Variants in RETREG1 observed in about 807,000 individuals in gnomAD.
RETREG1 encodes the protein reticulophagy regulator 1.
RETREG1 carries 44 observed loss-of-function variants against 54.8 expected under a neutral mutation model. The observed-to-expected ratio is 0.80, with a 90% CI of 0.63 to 1.03. The LOEUF (loss-of-function observed/expected upper bound fraction) is 1.03. RETREG1 is among the 50% of genes least tolerant of loss of function. The pLI, the probability that RETREG1 is intolerant of heterozygous loss-of-function variation, is 0.00. For synonymous variants in RETREG1, 217 were observed against 238.5 expected, an observed-to-expected ratio of 0.91 and a Z score of 0.83; for missense variants, 554 against 605.1, an observed-to-expected ratio of 0.92 and a Z score of 0.89.
intron 3 of RETREG1, among the ~76,000 whole-genome samples, chr5:16,522,242 T>A (rs1432874795): frequency 1.3e-5 from 2 of 152,210 alleles, no homozygotes; most frequent in East Asian, 3.9e-4. Flanking sequence ...CCTTGATTTA[T>A]GAGATCTCAG....
intron 3 of RETREG1, among the ~76,000 whole-genome samples, chr5:16,505,461 G>A (rs757622773): frequency 6.6e-6 from 1 of 152,186 alleles, no homozygotes; most frequent in Admixed American, 6.5e-5. Flanking sequence ...GTGACAGCAG[G>A]GGCCTGACAT....
chr5:16,483,510 TG>T, intron 3 of RETREG1, 38 bp from the exon 4 acceptor site: 1 of 1,607,924 alleles, frequency 6.2e-7, no homozygotes, highest in South Asian at 1.1e-5. Flanking sequence ...TACTGAACTT[TG>T]GATGATTCAT....
At chr5:16,553,502 A>T (rs1195331835) in intron 3 of RETREG1, among the ~76,000 whole-genome samples, 2 of 152,018 alleles carry the variant, frequency 1.3e-5, no homozygotes, top group African/African-American at 4.8e-5. Context: ...CTATACTTTG[A>T]ATATATAAAC....
At chr5:16,575,042 T>A (rs961215541) in intron 1 of RETREG1, among the ~76,000 whole-genome samples, 3 of 152,244 alleles carry the variant, frequency 2.0e-5, no homozygotes, top group African/African-American at 7.2e-5. Flanking sequence ...GATTCATTCT[T>A]GCTCTTGTTC....
At chr5:16,486,026 T>C (rs1739006401) in intron 3 of RETREG1, among the ~76,000 whole-genome samples, 1 of 152,172 alleles carries the variant, frequency 6.6e-6, no homozygotes, top group Non-Finnish European at 1.5e-5. Flanking sequence ...TTTTTCCCTT[T>C]TAAAAAGCTT....
intron 3 of RETREG1, among the ~76,000 whole-genome samples, chr5:16,486,386 T>C (rs992487435): frequency 6.6e-6 from 1 of 152,262 alleles, no homozygotes; most frequent in African/African-American, 2.4e-5. Flanking sequence ...TGCCCAGTGA[T>C]TAATTCTGAG....
At position 16,594,424 on chromosome 5, in the gene RETREG1, G is replaced by A. The variant is rs1720572864; in HGVS notation, c.320+22228C>T. Among the ~76,000 whole-genome samples the A allele has an allele frequency of 6.6e-6, 1 of 152,026 alleles. No homozygotes were observed. The highest frequency in any genetic ancestry group is 6.6e-5 in the Admixed American group (1 of 15,252). On this transcript the variant is annotated intron_variant, in intron 1 of 8. Transcript: ENST00000306320. The surrounding 1 kb of genome is among the most constrained non-coding windows in gnomAD (Gnocchi z 4.4). ...ACTTTTATAAGAAAAAAAGTTAAAC[G>A]CTTAACATAGCATTTTTCAGTTGGG...
Position 16,594,542 on chromosome 5 carries a change from T to C in RETREG1, c.320+22110A>G, listed in dbSNP as rs979557373. 6.6e-6 allele frequency among the ~76,000 whole-genome samples: 1 copy of C among 151,822 alleles called. No individual in the cohort carries two copies. ...GAGATCAAGACCAGCCTCACCAACA[T>C]GGCAAAACCCCATCTCTACTAAAAA... On this transcript the variant is annotated intron_variant, in intron 1 of 8. Transcript: ENST00000306320. The surrounding 1 kb of genome is among the most constrained non-coding windows in gnomAD (Gnocchi z 4.4).
intron 1 of RETREG1, among the ~76,000 whole-genome samples, chr5:16,587,017 A>G (rs1450848675): frequency 6.6e-6 from 1 of 152,196 alleles, no homozygotes; most frequent in Admixed American, 6.5e-5. Flanking sequence ...TCCGGACCTA[A>G]TCAGCTCCCA....
At chr5:16,572,602 G>A (rs1020130913) in intron 1 of RETREG1, among the ~76,000 whole-genome samples, 2 of 152,228 alleles carry the variant, frequency 1.3e-5, no homozygotes, top group African/African-American at 2.4e-5. Context: ...GTCTGAGCCT[G>A]CGCGCTTTTG....
In RETREG1 at chr5:16,481,012, G is replaced by A; in HGVS notation, c.667C>T (p.Leu223=). ...CCATATGTTCTACTATACTTACACAGTAGATAGCTGAGTATAACCCCAGGA... is the reference window on the plus strand; with the variant it reads ...CCATATGTTCTACTATACTTACACAATAGATAGCTGAGTATAACCCCAGGA... ...YIPGVILSYL[L]LLCAFLCPLF... is the part of the protein sequence containing the mutation. The change falls in exon 5 of 9, where the codon CTG becomes TTG. Residue 223 remains leucine, a synonymous_variant. Transcript: ENST00000306320. The A allele has an allele frequency of 6.2e-7, 1 of 1,605,608 alleles. No homozygotes were observed. The highest frequency in any genetic ancestry group is 1.1e-5 in the South Asian group (1 of 90,928).
intron 3 of RETREG1, among the ~76,000 whole-genome samples, chr5:16,546,311 G>A (rs1340092811): frequency 6.6e-6 from 1 of 152,148 alleles, no homozygotes; most frequent in African/African-American, 2.4e-5. Flanking sequence ...GGAACCACAG[G>A]CGGTGTACCA....
At chr5:16,572,162 TGG>T in intron 1 of RETREG1, 60 bp from the exon 2 acceptor site, 1 of 1,244,902 alleles carries the variant, frequency 8.0e-7, no homozygotes, top group Middle Eastern at 1.9e-4. Flanking sequence ...TTTTCAAAAT[TGG>T]GTTTACTTCC....
chr5:16,474,570 A>T lies in RETREG1; in HGVS notation c.*171T>A. ...TAACGATCAGAAATATCAATCTATC[A>T]GTGTCAGCTGATATATATCCAATTA... On this transcript the variant is annotated 3_prime_UTR_variant, in exon 9 of 9. Transcript: ENST00000306320. 1.4e-6 allele frequency: 1 copy of T among 715,176 alleles called. No homozygotes were observed. Among genetic ancestry groups the T allele is most frequent in the East Asian group, 2.7e-5 (1 of 36,850 alleles). 44.3% of individuals were successfully genotyped at this position (715,176 alleles called of 1,614,324 possible). A position where few individuals can be genotyped will look rare whatever the true frequency, so the allele number is the denominator to read the frequency against.
intron 1 of RETREG1, among the ~76,000 whole-genome samples, chr5:16,584,113 T>C (rs1314569071): frequency 6.6e-6 from 1 of 150,532 alleles, no homozygotes; most frequent in Non-Finnish European, 1.5e-5. Context: ...GGCATAATAA[T>C]GACAATGGGC....
At chr5:16,552,934 G>A (rs1414652881) in intron 3 of RETREG1, among the ~76,000 whole-genome samples, 1 of 152,178 alleles carries the variant, frequency 6.6e-6, no homozygotes, top group African/African-American at 2.4e-5. Flanking sequence ...TCTAGTGGCA[G>A]CCAGCCCTAG....
chr5:16,476,561 T>C (rs915008963), intron 8 of RETREG1, among the ~76,000 whole-genome samples: 30 of 152,206 alleles, frequency 2.0e-4, no homozygotes, highest in African/African-American at 7.0e-4. Context: ...CATGGAATAC[T>C]ATGCAGCCAT....
At chr5:16,510,815 C>T (rs150280583) in intron 3 of RETREG1, among the ~76,000 whole-genome samples, 69 of 56,386 alleles carry the variant, frequency 1.2e-3, no homozygotes, top group African/African-American at 4.5e-3. Flanking sequence ...ACAACAACAA[C>T]AACAAAAAAA....
chr5:16,478,143 C>T, intron 6 of RETREG1, 45 bp from the exon 7 acceptor site: 1 of 1,231,542 alleles, frequency 8.1e-7, no homozygotes, highest in Middle Eastern at 1.9e-4. Context: ...CTAGCCAACT[C>T]AGACATAGTG....
Sources: allele counts gnomAD v4.1 joint callset (sites outside exome capture counted in the v4.1 genomes callset), GRCh38; gene constraint gnomAD v4.1.1; non-coding constraint Gnocchi (gnomAD v3.1); transcripts MANE v1.5; gene names NCBI Gene and HGNC (gene_info 2026-07-23, HGNC 2026-07-21).